Variants in CMSS1 observed in about 807,000 individuals in gnomAD.
The protein encoded by CMSS1 is protein CMSS1.
A neutral mutation model predicts 43.5 loss-of-function variants in CMSS1; 33 were observed. The ratio of observed to expected loss-of-function variants is 0.76; its 90% CI spans 0.57 to 1.01. CMSS1 has a LOEUF of 1.01. Among genes scored for constraint, CMSS1 ranks in the 50% least tolerant of loss-of-function variants. CMSS1 has a pLI of 0.00. For missense variants in CMSS1, 313 were observed against 326.4 expected, an observed-to-expected ratio of 0.96 and a Z score of 0.32; for synonymous variants, 115 against 117.2, an observed-to-expected ratio of 0.98 and a Z score of 0.12.
intron 1 of CMSS1, among the ~76,000 whole-genome samples, chr3:99,983,407 T>A (rs1242191631): frequency 2.7e-5 from 3 of 109,628 alleles, no homozygotes; most frequent in African/African-American, 1.1e-4. Context: ...TATATATATA[T>A]ATATATATAT....
chr3:100,136,992 C>T (rs1235801874), intron 1 of CMSS1, among the ~76,000 whole-genome samples: 1 of 152,246 alleles, frequency 6.6e-6, no homozygotes, highest in Non-Finnish European at 1.5e-5. Context: ...CCTTCCCTTC[C>T]CTATGATCTG....
intron 1 of CMSS1, chr3:99,924,222 AG>A (rs1388851920): frequency 1.1e-5 from 17 of 1,610,646 alleles, no homozygotes; most frequent in Non-Finnish European, 1.3e-5. Context: ...TGCCCAAAGC[AG>A]CCTTACCTTT....
At chr3:99,963,638 G>A (rs1708559342) in intron 1 of CMSS1, among the ~76,000 whole-genome samples, 1 of 151,606 alleles carries the variant, frequency 6.6e-6, no homozygotes, top group Non-Finnish European at 1.5e-5. Context: ...TTTAGACGGA[G>A]TGTCGCTCTG....
At chr3:100,060,686 C>G (rs1049658367) in intron 1 of CMSS1, among the ~76,000 whole-genome samples, 1 of 151,936 alleles carries the variant, frequency 6.6e-6, no homozygotes, top group Non-Finnish European at 1.5e-5. Flanking sequence ...GAAACCCCAT[C>G]TCCACAAAAA....
chr3:99,873,335 G>C (rs1391867787), intron 1 of CMSS1, among the ~76,000 whole-genome samples: 1 of 152,198 alleles, frequency 6.6e-6, no homozygotes, highest in Non-Finnish European at 1.5e-5. Context: ...AGATAAGGTA[G>C]GGTGTATTAG....
At chr3:100,128,549 G>A (rs1002683930) in intron 1 of CMSS1, among the ~76,000 whole-genome samples, 2 of 152,076 alleles carry the variant, frequency 1.3e-5, no homozygotes, top group South Asian at 2.1e-4. Context: ...CATTTATTGA[G>A]GTACTCACAT....
intron 4 of CMSS1, among the ~76,000 whole-genome samples, chr3:100,164,014 G>C (rs919076677): frequency 1.3e-5 from 2 of 152,156 alleles, no homozygotes; most frequent in African/African-American, 4.8e-5. Context: ...ATTGGGTTTG[G>C]AGACATGAGT....
intron 4 of CMSS1, among the ~76,000 whole-genome samples, chr3:100,163,029 A>G (rs2067037628): frequency 6.6e-6 from 1 of 152,242 alleles, no homozygotes; most frequent in East Asian, 1.9e-4. Context: ...GTTTTAACTG[A>G]TAGATTATAT....
At chr3:99,988,339 TCCAAAAAAAAAA>T (rs1409110071) in intron 1 of CMSS1, among the ~76,000 whole-genome samples, 4 of 28,362 alleles carry the variant, frequency 1.4e-4, no homozygotes, top group Admixed American at 4.7e-4. Context: ...CTACTAAAAA[TCCAAAAAAAAAA>T]AAAAAAAAAA....
intron 1 of CMSS1, among the ~76,000 whole-genome samples, chr3:100,085,754 G>A (rs1395798912): frequency 2.6e-5 from 4 of 152,178 alleles, no homozygotes; most frequent in South Asian, 2.1e-4. Context: ...AGCTATGCAC[G>A]TGGATGATGA....
intron 1 of CMSS1, among the ~76,000 whole-genome samples, chr3:100,093,319 T>C (rs2066145488): frequency 6.6e-6 from 1 of 152,060 alleles, no homozygotes; most frequent in South Asian, 2.1e-4. Context: ...TTAGAAAAAG[T>C]CAGATAATCC....
intron 1 of CMSS1, among the ~76,000 whole-genome samples, chr3:99,928,022 A>G (rs1576578917): frequency 6.6e-6 from 1 of 152,370 alleles, no homozygotes; most frequent in East Asian, 1.9e-4. Context: ...GGTTTTTCAA[A>G]AAGAACATTA....
chr3:99,971,073 C>T (rs902266486), intron 1 of CMSS1, among the ~76,000 whole-genome samples: 1 of 152,152 alleles, frequency 6.6e-6, no homozygotes, highest in Non-Finnish European at 1.5e-5. Context: ...CGTGGTGGCT[C>T]ACGCCTGTAA....
intron 1 of CMSS1, chr3:99,849,262 A>G (rs1376302861): frequency 5.6e-6 from 9 of 1,614,110 alleles, no homozygotes; most frequent in Middle Eastern, 1.6e-4. Context: ...TTCATTGTCT[A>G]CTGCTTCTGT....
chr3:99,965,912 T>C (rs532203854), intron 1 of CMSS1, among the ~76,000 whole-genome samples: 54 of 152,242 alleles, frequency 3.5e-4, no homozygotes, highest in African/African-American at 1.2e-3. Context: ...TTTCTGTACA[T>C]AAGGCAGTTC....
chr3:99,969,121 G>T (rs1708740725), intron 1 of CMSS1, among the ~76,000 whole-genome samples: 1 of 152,158 alleles, frequency 6.6e-6, no homozygotes, highest in Non-Finnish European at 1.5e-5. Context: ...CATGTGTGGA[G>T]GGCAGGGCAG....
intron 1 of CMSS1, among the ~76,000 whole-genome samples, chr3:100,034,468 A>G (rs898951060): frequency 2.0e-5 from 3 of 152,232 alleles, no homozygotes; most frequent in Admixed American, 2.0e-4. Flanking sequence ...TTTTGAATCA[A>G]CATTGGTTAA....
chr3:100,133,876 G>T (rs2066729790), intron 1 of CMSS1, among the ~76,000 whole-genome samples: 1 of 152,178 alleles, frequency 6.6e-6, no homozygotes, highest in African/African-American at 2.4e-5. Flanking sequence ...TTGAGAAGCT[G>T]GGTGAGAAAA....
At chr3:99,905,961 G>A (rs1706602916) in intron 1 of CMSS1, among the ~76,000 whole-genome samples, 1 of 152,294 alleles carries the variant, frequency 6.6e-6, no homozygotes, top group Admixed American at 6.5e-5. Flanking sequence ...GGGAGGCTGA[G>A]GCAGGCAGAT....
Sources: allele counts gnomAD v4.1 joint callset (sites outside exome capture counted in the v4.1 genomes callset), GRCh38; gene constraint gnomAD v4.1.1; transcripts MANE v1.5; gene names NCBI Gene and HGNC (gene_info 2026-07-23, HGNC 2026-07-21).